The following SLC6A15 variants were observed in gnomAD, a reference collection of about 807,000 sequenced individuals.
SLC6A15 encodes the protein sodium-dependent neutral amino acid transporter B(0)AT2.
In SLC6A15, 33 loss-of-function variants were observed where a neutral mutation model predicts 68.5. The ratio of observed to expected loss-of-function variants is 0.48; its 90% confidence interval spans 0.37 to 0.64. The LOEUF (loss-of-function observed/expected upper bound fraction) is 0.64. SLC6A15 is among the 30% of genes least tolerant of loss of function. The pLI is 0.00. For missense variants in SLC6A15, 747 were observed against 874.3 expected (o/e 0.85, Z 1.84); for synonymous variants, 347 against 301.0 (o/e 1.15, Z -1.58).
chr12:84,882,569 A>C (rs1289864706), intron 5 of SLC6A15: 2 of 642,980 alleles, frequency 3.1e-6, no homozygotes, highest in Non-Finnish European at 3.9e-6. Context: ...GCCCTAAAAG[A>C]GTTGACTAAT....
intron 1 of SLC6A15, among the ~76,000 whole-genome samples, chr12:84,901,047 C>CAT (rs1363313670): frequency 1.4e-5 from 2 of 144,694 alleles, no homozygotes; most frequent in Non-Finnish European, 3.0e-5. Context: ...TACACATATA[C>CAT]GTATATATGT....
chr12:84,900,777 T>C (rs1221119458), intron 1 of SLC6A15, among the ~76,000 whole-genome samples: 2 of 151,638 alleles, frequency 1.3e-5, no homozygotes, highest in African/African-American at 4.8e-5. Context: ...CTTTCATTTA[T>C]GAAATAAACC....
intron 1 of SLC6A15, among the ~76,000 whole-genome samples, chr12:84,895,595 C>G (rs886220464): frequency 6.6e-6 from 1 of 151,936 alleles, no homozygotes; most frequent in Non-Finnish European, 1.5e-5. Flanking sequence ...GATCCACCCA[C>G]CTCGGCCTCC....
At chr12:84,883,834 T>G in intron 5 of SLC6A15, 25 bp downstream of exon 5, 1 of 1,614,086 alleles carries the variant, frequency 6.2e-7, no homozygotes, top group South Asian at 1.1e-5. Context: ...ATTAGCAGAA[T>G]GAGGAAGGGC....
chr12:84,862,926 A>G (rs1246137697), intron 11 of SLC6A15, among the ~76,000 whole-genome samples: 1 of 152,072 alleles, frequency 6.6e-6, no homozygotes, highest in Non-Finnish European at 1.5e-5. Flanking sequence ...AGTAGCTAGG[A>G]CTATAGCCGT....
intron 1 of SLC6A15, among the ~76,000 whole-genome samples, chr12:84,899,615 A>T (rs997376868): frequency 1.3e-5 from 2 of 152,146 alleles, no homozygotes; most frequent in African/African-American, 4.8e-5. Context: ...CTTATCCAGC[A>T]TCACTTTCTA....
intron 11 of SLC6A15, among the ~76,000 whole-genome samples, chr12:84,862,690 A>G (rs998950861): frequency 6.6e-6 from 1 of 152,062 alleles, no homozygotes; most frequent in African/African-American, 2.4e-5. Context: ...ATTATAACAG[A>G]ACTTTACTTC....
intron 1 of SLC6A15, among the ~76,000 whole-genome samples, chr12:84,904,213 G>A (rs536142288): frequency 7.1e-5 from 10 of 140,348 alleles, no homozygotes; most frequent in African/African-American, 2.7e-4. Flanking sequence ...AAAGGGGGGA[G>A]GGGCGGAGGG....
intron 9 of SLC6A15, among the ~76,000 whole-genome samples, chr12:84,868,343 G>C (rs1326441042): frequency 6.6e-6 from 1 of 152,118 alleles, no homozygotes; most frequent in Non-Finnish European, 1.5e-5. Context: ...TGACATCCCA[G>C]TTGAACAATG....
At chr12:84,881,403 ATTC>A (rs1871814507) in intron 5 of SLC6A15, 1 of 966,396 alleles carries the variant, frequency 1.0e-6, no homozygotes, top group African/African-American at 1.8e-5. Flanking sequence ...AAGCAGCCCT[ATTC>A]TTCTTTTGGT....
At chr12:84,877,837 GTTTAT>G (rs1427133570) in intron 5 of SLC6A15, among the ~76,000 whole-genome samples, 4 of 152,052 alleles carry the variant, frequency 2.6e-5, no homozygotes, top group Admixed American at 2.6e-4. Flanking sequence ...GTGTTTCTGT[GTTTAT>G]TTTTTGTATC....
intron 1 of SLC6A15, among the ~76,000 whole-genome samples, chr12:84,908,510 T>A (rs1225645801): frequency 1.3e-5 from 2 of 151,426 alleles, no homozygotes; most frequent in Admixed American, 1.3e-4. Flanking sequence ...GGTGTTTATT[T>A]GCCTCTGTCT....
At position 84,859,986 on chromosome 12, in the gene SLC6A15, T is replaced by C. The variant is rs940193760; in HGVS notation, c.*1646A>G. 2.0e-5 allele frequency: 3 copies of C among 152,050 alleles called. No homozygotes were observed. The highest frequency in any genetic ancestry group is 4.8e-5 in the African/African-American group (2 of 41,446). 9.4% of individuals were successfully genotyped at this position (152,050 alleles called of 1,614,324 possible). A position where few individuals can be genotyped will look rare whatever the true frequency, so the allele number is the denominator to read the frequency against. ...ACTTCACACTGAATTGTCATAATTT[T>C]TTAGTTTTGTATAATGTGCATATAC... On this transcript the variant is annotated 3_prime_UTR_variant, in exon 12 of 12. Coordinates refer to ENST00000266682, the MANE Select transcript of SLC6A15 (RefSeq NM_182767.6).
At position 84,870,635 on chromosome 12, in the gene SLC6A15, A is replaced by G. The variant is rs757190190; in HGVS notation, c.1338T>C (p.Phe446=). 1.9e-6 allele frequency: 3 copies of G among 1,612,172 alleles called. No individual in the cohort carries two copies. Among genetic ancestry groups the G allele is most frequent in the Non-Finnish European group, 2.5e-6 (3 of 1,179,042 alleles). The change falls in exon 9 of 12, where the codon TTT becomes TTC. Residue 446 remains phenylalanine (F), a synonymous_variant. Transcript: ENST00000266682. ...CAGGAAAATGTGTCATCGCTTCTGT[A>G]AAGGCAATAAAAGCTAAGCCGGTCC... ...VQGTGLAFIA[F]TEAMTHFPAS... is the part of the protein sequence containing the mutation.
In SLC6A15 at chr12:84,901,427, T is replaced by A. The variant is rs1037183244; in HGVS notation, c.-188-9119A>T. 2.6e-5 allele frequency among the ~76,000 whole-genome samples: 4 copies of A among 151,950 alleles called. No homozygotes were observed. In the East Asian group the frequency reaches 7.7e-4, roughly 29 times the overall value. On this transcript the variant is annotated intron_variant, in intron 1 of 11. Transcript: ENST00000266682. ...AATATTCCACAGTTTTTTAAACACA[T>A]ATAGAATTCGTCATCATATCTTATC...
In SLC6A15 at chr12:84,872,653, CTCT is replaced by C. The variant is rs766877390; in HGVS notation, c.1248_1250del (p.Glu417del). 3.2e-5 allele frequency: 51 copies of C among 1,611,198 alleles called. No homozygotes were observed. Among genetic ancestry groups the C allele is most frequent in the South Asian group, 1.4e-4 (13 of 90,440 alleles). On this transcript the variant is annotated inframe_deletion, in exon 8 of 12. Transcript: ENST00000266682. ...AGGAATTGAGATGAAGAGCAGGAAA[CTCT>C]TCTTCTTTCACTTTTTGAATGATGT...
At chr12:84,901,800 C>T (rs1872895083) in intron 1 of SLC6A15, among the ~76,000 whole-genome samples, 1 of 151,590 alleles carries the variant, frequency 6.6e-6, no homozygotes, top group Admixed American at 6.6e-5. Context: ...AATTATCTCC[C>T]TGTCTTTGAC....
At chr12:84,881,512 C>G in intron 5 of SLC6A15, 3 of 985,308 alleles carry the variant, frequency 3.0e-6, no homozygotes, top group Non-Finnish European at 3.6e-6. Flanking sequence ...CAGATGTGGT[C>G]CAACTGATAT....
Sources: gnomAD v4.1 joint callset for allele counts (sites outside exome capture counted in the v4.1 genomes callset) on GRCh38, gnomAD v4.1.1 for gene constraint, MANE v1.5 for transcripts, NCBI Gene and HGNC (gene_info 2026-07-23, HGNC 2026-07-21) for gene names.